Variants in CHST12 observed in about 807,000 individuals in gnomAD.
CHST12 encodes carbohydrate (chondroitin 4) sulfotransferase 12.
A neutral mutation model predicts 27.9 loss-of-function variants in CHST12; 23 were observed. That is an observed-to-expected ratio of 0.82 (90% confidence interval 0.59 to 1.17). The LOEUF (loss-of-function observed/expected upper bound fraction) is 1.17. Ranked by LOEUF, CHST12 falls within the 50% of genes most tolerant of loss-of-function variation. The pLI is 0.00. For synonymous variants in CHST12, 322 were observed against 273.0 expected (o/e 1.18, Z -1.77); for missense variants, 682 against 603.0 (o/e 1.13, Z -1.37).
chr7:2,407,283 C>A (rs375039801), intron 1 of CHST12, among the ~76,000 whole-genome samples: 18 of 151,392 alleles, frequency 1.2e-4, no homozygotes, highest in African/African-American at 4.4e-4. Flanking sequence ...CCCATCTCTA[C>A]AACAAAATTT....
chr7:2,411,665 T>C (rs944084578), intron 1 of CHST12, among the ~76,000 whole-genome samples: 3 of 151,970 alleles, frequency 2.0e-5, no homozygotes, highest in African/African-American at 7.3e-5. Flanking sequence ...ACTTTTTGTA[T>C]TTAGTAGAGA....
chr7:2,427,618 G>A (rs551032726), intron 1 of CHST12, among the ~76,000 whole-genome samples: 3 of 152,094 alleles, frequency 2.0e-5, no homozygotes, highest in Non-Finnish European at 4.4e-5. Context: ...CAGCTGTAGG[G>A]TGTTTGTAGA....
rs1267637000 is a variant in CHST12, at chr7:2,437,763, C to G, written c.*3879C>G. ...ACACACACACACACACACTCTCTCT[C>G]ACACACACATCGGGATATTTTTCTT... On this transcript the variant is annotated 3_prime_UTR_variant, in exon 2 of 2. Coordinates refer to ENST00000618655, the MANE Select transcript of CHST12 (RefSeq NM_018641.5). 6.6e-6 allele frequency: 1 copy of G among 152,232 alleles called. No individual in the cohort carries two copies. The highest frequency in any genetic ancestry group is 2.4e-5 in the African/African-American group (1 of 41,404). 9.4% of individuals were successfully genotyped at this position (152,232 alleles called of 1,614,324 possible). A position where few individuals can be genotyped will look rare whatever the true frequency, so the allele number is the denominator to read the frequency against.
chr7:2,416,047 A>G (rs550980627), intron 1 of CHST12, among the ~76,000 whole-genome samples: 15 of 152,320 alleles, frequency 9.8e-5, no homozygotes, highest in East Asian at 1.9e-4. Context: ...ATTGTAGTCA[A>G]TCTTCTCAAA....
chr7:2,433,231 GA>G lies in CHST12; in HGVS notation c.593del (p.Asp198AlafsTer17). The G allele has an allele frequency of 6.2e-7, 1 of 1,612,010 alleles. No homozygotes were observed. The highest frequency in any genetic ancestry group is 8.5e-7 in the Non-Finnish European group (1 of 1,179,110). ...SLLHRGAPYR[D>X]PLRIPREHVH... ...GCTGCACCGCGGTGCGCCCTACCGC[GA>G]CCCGCTGCGCATCCCGCGCGAGCAC... On this transcript the variant is annotated frameshift_variant, in exon 2 of 2. Transcript: ENST00000618655. LOFTEE classifies it high-confidence loss of function. This position sits in a 1 kb window ranked among gnomAD's most constrained non-coding sequence, Gnocchi z 6.1.
At position 2,433,973 on chromosome 7, in the gene CHST12, C is replaced by T. The variant is rs769245312; in HGVS notation, c.*89C>T. The T allele has an allele frequency of 3.4e-4, 384 of 1,122,702 alleles. 2 individuals carry two copies. The highest frequency in any genetic ancestry group is 3.3e-4 in the Non-Finnish European group (254 of 778,312). The allele number at this position is 1,122,702 out of a possible 1,614,324, so 69.5% of individuals were successfully genotyped here. The stretch of plus-strand genomic sequence containing the variant: ...ATGACCTACGATTTTGCAATCTGGG[C>T]TTCTTGTTCACTCCACTGCCTCTAT... On this transcript the variant is annotated 3_prime_UTR_variant, in exon 2 of 2. Transcript: ENST00000618655. This position sits in a 1 kb window ranked among gnomAD's most constrained non-coding sequence, Gnocchi z 6.1.
rs1217140884 is a variant in CHST12, at chr7:2,440,394, T to G, written c.*6510T>G. 6.5e-6 allele frequency: 1 copy of G among 153,884 alleles called. No homozygotes were observed. Among genetic ancestry groups the G allele is most frequent in the African/African-American group, 2.4e-5 (1 of 41,360 alleles). The allele number at this position is 153,884 out of a possible 1,614,324, so 9.5% of individuals were successfully genotyped here. A position where few individuals can be genotyped will look rare whatever the true frequency, so the allele number is the denominator to read the frequency against. The stretch of plus-strand genomic sequence containing the variant: ...GCGTGCAAGTGTGAGTCTGCACTTG[T>G]GTGCAAGAGAATGTGTGTGTGTGTG... On this transcript the variant is annotated 3_prime_UTR_variant, in exon 2 of 2. Coordinates refer to ENST00000618655, the MANE Select transcript of CHST12 (RefSeq NM_018641.5).
intron 1 of CHST12, among the ~76,000 whole-genome samples, chr7:2,417,869 G>T (rs1781851024): frequency 6.6e-6 from 1 of 152,238 alleles, no homozygotes; most frequent in Admixed American, 6.5e-5. Context: ...GCCCAGTCCA[G>T]TTGACACATA....
At chr7:2,415,209 AC>A (rs1781772174) in intron 1 of CHST12, among the ~76,000 whole-genome samples, 1 of 152,126 alleles carries the variant, frequency 6.6e-6, no homozygotes, top group Admixed American at 6.6e-5. Flanking sequence ...TACTAAAAAT[AC>A]AAAAAATTAG....
intron 1 of CHST12, among the ~76,000 whole-genome samples, chr7:2,404,592 C>G (rs1417881802): frequency 2.0e-5 from 3 of 152,200 alleles, no homozygotes; most frequent in Admixed American, 2.0e-4. Flanking sequence ...CCCACTTACC[C>G]CCACGCGGGG....
Position 2,448,073 on chromosome 7 carries a change from G to T in CHST12, c.*14189G>T, listed in dbSNP as rs77792692. ...AGTAGAGACAGGATTTCGCCATGTGGGTCGGGCTGGTCTCGAACTCCTGGT... is the reference window on the plus strand; with the variant it reads ...AGTAGAGACAGGATTTCGCCATGTGTGTCGGGCTGGTCTCGAACTCCTGGT... On this transcript the variant is annotated 3_prime_UTR_variant, in exon 2 of 2. Transcript: ENST00000618655. 0.11 allele frequency: 16,677 copies of T among 152,056 alleles called. 1,287 individuals carry two copies. The highest frequency in any genetic ancestry group is 0.15 in the Non-Finnish European group (10,081 of 68,006). The allele number at this position is 152,056 out of a possible 1,614,324, so 9.4% of individuals were successfully genotyped here.
At chr7:2,415,055 G>A (rs572093723) in intron 1 of CHST12, among the ~76,000 whole-genome samples, 13 of 152,182 alleles carry the variant, frequency 8.5e-5, no homozygotes, top group African/African-American at 2.4e-4. Context: ...AAGTTTTTGC[G>A]TTTCCCAGTG....
chr7:2,425,614 C>T (rs1461381821), intron 1 of CHST12, among the ~76,000 whole-genome samples: 1 of 151,924 alleles, frequency 6.6e-6, no homozygotes, highest in Non-Finnish European at 1.5e-5. Flanking sequence ...ACCTGTAAGG[C>T]CCACACGCGG....
At chr7:2,428,447 C>T (rs772539258) in intron 1 of CHST12, among the ~76,000 whole-genome samples, 8 of 152,076 alleles carry the variant, frequency 5.3e-5, no homozygotes, top group East Asian at 3.9e-4. Flanking sequence ...TGTTCCCAGG[C>T]GGATCAGCAG....
rs745917197 is a variant in CHST12, at chr7:2,433,689, G to A, written c.1050G>A (p.Ala350=). 11 of 1,613,190 alleles carry A rather than the reference G, an allele frequency of 6.8e-6. No homozygotes were observed. The highest frequency in any genetic ancestry group is 1.7e-5 in the Admixed American group (1 of 59,990). ...TGGAGACTCTGGACGAGGACGCCGC[G>A]CAGCTGCTGCAGCTACTCCAGGTGG... is the stretch of plus-strand genomic sequence containing the variant. The part of the protein sequence containing the change: ...GKLETLDEDA[A]QLLQLLQVDR... Residue 350 remains alanine (A), a synonymous_variant, in exon 2 of 2, where the codon GCG becomes GCA. Coordinates refer to ENST00000618655, the MANE Select transcript of CHST12 (RefSeq NM_018641.5). The surrounding 1 kb of genome is among the most constrained non-coding windows in gnomAD (Gnocchi z 6.1).
Position 2,439,138 on chromosome 7 carries a change from A to G in CHST12, c.*5254A>G, listed in dbSNP as rs1217338658. ...GGGTTGGATTTCTAGCGTTTCACAT[A>G]CAGGATCTAGACTCGCACACAACTG... On this transcript the variant is annotated 3_prime_UTR_variant, in exon 2 of 2. Coordinates refer to ENST00000618655, the MANE Select transcript of CHST12 (RefSeq NM_018641.5). The G allele has an allele frequency of 6.6e-6, 1 of 152,194 alleles. No homozygotes were observed. Among genetic ancestry groups the G allele is most frequent in the Non-Finnish European group, 1.5e-5 (1 of 68,036 alleles). The allele number at this position is 152,194 out of a possible 1,614,324, so 9.4% of individuals were successfully genotyped here.
intron 1 of CHST12, among the ~76,000 whole-genome samples, chr7:2,419,707 C>CAAAAA (rs562438536): frequency 1.0e-5 from 1 of 99,876 alleles, no homozygotes; most frequent in African/African-American, 3.4e-5. Context: ...AACTCCGTCT[C>CAAAAA]AAAAAAAAAA....
Position 2,433,803 on chromosome 7 carries a change from G to A in CHST12, c.1164G>A (p.Trp388Ter). Residue 388 changes from tryptophan (W) to a stop codon, truncating the protein, a stop_gained, in exon 2 of 2, where the codon TGG (tryptophan) becomes TGA (stop). Transcript: ENST00000618655. LOFTEE classifies it high-confidence loss of function. The surrounding 1 kb of genome is among the most constrained non-coding windows in gnomAD (Gnocchi z 6.1). ...EDWFAKIPLA[W>*]RQQLYKLYEA... is the part of the protein sequence containing the mutation. The stretch of plus-strand genomic sequence containing the variant: ...GGTTCGCCAAGATCCCCCTGGCCTG[G>A]AGGCAGCAGCTGTATAAACTCTACG... 1 of 1,614,130 alleles carries A rather than the reference G, an allele frequency of 6.2e-7. No homozygotes were observed. Among genetic ancestry groups the A allele is most frequent in the Non-Finnish European group, 8.5e-7 (1 of 1,180,018 alleles).
At position 2,437,936 on chromosome 7, in the gene CHST12, G is replaced by A. The variant is rs1217346133; in HGVS notation, c.*4052G>A. On this transcript the variant is annotated 3_prime_UTR_variant, in exon 2 of 2. Coordinates refer to ENST00000618655, the MANE Select transcript of CHST12 (RefSeq NM_018641.5). ...CTGCACTCAGGTGAGAGGCTGGCAG[G>A]GCTGCCGTAGGGGTGGAGAGTGAAC... is the stretch of plus-strand genomic sequence containing the variant. The A allele has an allele frequency of 6.6e-6, 1 of 152,250 alleles. No homozygotes were observed. The highest frequency in any genetic ancestry group is 1.5e-5 in the Non-Finnish European group (1 of 68,096). 9.4% of individuals were successfully genotyped at this position (152,250 alleles called of 1,614,324 possible).
Sources: gnomAD v4.1 joint callset for allele counts (sites outside exome capture counted in the v4.1 genomes callset) on GRCh38, gnomAD v4.1.1 for gene constraint, Gnocchi (gnomAD v3.1) non-coding constraint, MANE v1.5 for transcripts, NCBI Gene and HGNC (gene_info 2026-07-23, HGNC 2026-07-21) for gene names.